CCDC186: variants seen among roughly 807,000 people sequenced by gnomAD.
The protein encoded by CCDC186 is coiled-coil domain-containing protein 186.
In CCDC186, 49 loss-of-function variants were observed where a neutral mutation model predicts 113.7. The observed-to-expected ratio is 0.43, with a 90% confidence interval of 0.34 to 0.55. The LOEUF is 0.55. Among genes scored for constraint, CCDC186 ranks in the 20% least tolerant of loss-of-function variants. The pLI, the probability that CCDC186 is intolerant of heterozygous loss-of-function variation, is 0.02. For missense variants in CCDC186, 890 were observed against 1,011.1 expected, an observed-to-expected ratio of 0.88 and a Z score of 1.62; for synonymous variants, 355 against 345.8, an observed-to-expected ratio of 1.03 and a Z score of -0.30.
chr10:114,162,866 T>C lies in CCDC186; in HGVS notation c.403A>G (p.Thr135Ala), dbSNP rs1228674731. 1.2e-6 allele frequency: 2 copies of C among 1,613,892 alleles called. No individual in the cohort carries two copies. Among genetic ancestry groups the C allele is most frequent in the African/African-American group, 1.3e-5 (1 of 74,930 alleles). Residue 135 changes from threonine (T) to alanine (A), a missense_variant, in exon 2 of 16, where the codon ACT becomes GCT. Physicochemically the swap from Thr to Ala is moderately conservative, Grantham distance 58. Transcript: ENST00000369287. ...STFPESANEK[T>A]YSESPYDTDC... ...GTATCATAGGGGCTTTCTGAATAAG[T>C]CTTTTCATTAGCTGATTCTGGAAAT...
intron 2 of CCDC186, among the ~76,000 whole-genome samples, chr10:114,158,622 C>T (rs80010070): frequency 0.011 from 1,649 of 150,898 alleles, 19 homozygotes; most frequent in African/African-American, 0.038. Context: ...CCAGGAAAAG[C>T]ACTTGATCCC....
At chr10:114,135,811 C>T (rs2031240393) in intron 9 of CCDC186, 80 bp downstream of exon 9, 2 of 1,132,306 alleles carry the variant, frequency 1.8e-6, no homozygotes, top group Middle Eastern at 2.0e-4. Flanking sequence ...GTCCTTTCCC[C>T]ACCACTTTAA....
chr10:114,155,790 AT>A (rs2031993738), intron 3 of CCDC186, among the ~76,000 whole-genome samples: 1 of 152,204 alleles, frequency 6.6e-6, no homozygotes. Context: ...CATGAAAAAA[AT>A]GAGCTGTTTT....
rs1232738592 is a variant in CCDC186, at chr10:114,174,122, G to A, written c.-169C>T. 1 of 472,192 alleles carries A rather than the reference G, an allele frequency of 2.1e-6. No homozygotes were observed. The highest frequency in any genetic ancestry group is 6.9e-5 in the East Asian group (1 of 14,398). The allele number at this position is 472,192 out of a possible 1,614,324, so 29.3% of individuals were successfully genotyped here. ...CAACCAGCCAAGAGTGGGAGGAAAA[G>A]ACCGCGGTGAGAAACACAGCCGACG... On this transcript the variant is annotated 5_prime_UTR_variant, in exon 1 of 16. Transcript: ENST00000369287.
chr10:114,131,846 A>C, intron 11 of CCDC186, 83 bp downstream of exon 11: 1 of 1,227,982 alleles, frequency 8.1e-7, no homozygotes, highest in Non-Finnish European at 1.1e-6. Context: ...AACTTAATTC[A>C]ACTACTATTA....
At chr10:114,173,973 C>G (rs1223147969) in intron 1 of CCDC186, 42 bp downstream of exon 1, 1 of 464,976 alleles carries the variant, frequency 2.2e-6, no homozygotes. Context: ...GCACCGCCAC[C>G]GCGACTCACC....
At position 114,137,299 on chromosome 10, in the gene CCDC186, A is replaced by T; in HGVS notation, c.1222-9T>A. The stretch of plus-strand genomic sequence containing the variant: ...AGTTTATCTTTGGTTTCCTGCATTG[A>T]CAAAAGACAGAGACACAGTTGGGTA... On this transcript the variant is annotated splice_polypyrimidine_tract_variant and intron_variant, in intron 6 of 15. Transcript: ENST00000369287. 6.2e-7 allele frequency: 1 copy of T among 1,605,108 alleles called. No homozygotes were observed. The highest frequency in any genetic ancestry group is 1.1e-5 in the South Asian group (1 of 90,842).
At chr10:114,147,443 G>A (rs753723294) in intron 4 of CCDC186, among the ~76,000 whole-genome samples, 3 of 152,114 alleles carry the variant, frequency 2.0e-5, no homozygotes, top group Non-Finnish European at 2.9e-5. Flanking sequence ...AGAATGTAAG[G>A]GGTGAATCAA....
At position 114,125,997 on chromosome 10, in the gene CCDC186, TAA is replaced by T; in HGVS notation, c.2500_2501del (p.Leu834IlefsTer7). 2 of 1,614,064 alleles carry T rather than the reference TAA, an allele frequency of 1.2e-6. No individual in the cohort carries two copies. The highest frequency in any genetic ancestry group is 1.7e-6 in the Non-Finnish European group (2 of 1,179,954). On this transcript the variant is annotated frameshift_variant, in exon 15 of 16. Coordinates refer to ENST00000369287, the MANE Select transcript of CCDC186 (RefSeq NM_018017.4). LOFTEE classifies it high-confidence loss of function. Reference protein sequence around the residue: ...LSRRGGIMASLYTSHPADNGL... With the variant: ...LSRRGGIMASXYTSHPADNGL... ...CATTGTCAGCTGGATGGGATGTATA[TAA>T]AGATGCCATGATGCCACCCCGTCTA...
At chr10:114,139,562 CA>C (rs71007456) in intron 6 of CCDC186, among the ~76,000 whole-genome samples, 11,382 of 111,966 alleles carry the variant, frequency 0.1, 476 homozygotes, top group Middle Eastern at 0.22. Context: ...GACTCCATCT[CA>C]AAAAAAAAAA....
Position 114,127,586 on chromosome 10 carries a change from T to G in CCDC186, c.2268A>C (p.Val756=), listed in dbSNP as rs1381595637. Residue 756 remains valine (V), a synonymous_variant, in exon 14 of 16, where the codon GTA becomes GTC. Coordinates refer to ENST00000369287, the MANE Select transcript of CCDC186 (RefSeq NM_018017.4). The part of the protein sequence containing the change: ...SSVAVDNFPQ[V]DKAMLIERIV... ...TTCTCTCAATCAACATGGCCTTATC[T>G]ACTTGTGGAAAGTTATCCACAGCTA... 6.2e-7 allele frequency: 1 copy of G among 1,614,130 alleles called. No individual in the cohort carries two copies. The highest frequency in any genetic ancestry group is 1.7e-5 in the Admixed American group (1 of 59,990).
At chr10:114,135,186 G>A in intron 9 of CCDC186, 131 bp from the exon 10 acceptor site, 1 of 902,340 alleles carries the variant, frequency 1.1e-6, no homozygotes, top group Non-Finnish European at 1.5e-6. Context: ...ATAATGCGAA[G>A]TTTACAATCC....
At chr10:114,173,351 G>A in intron 1 of CCDC186, 1 of 318,556 alleles carries the variant, frequency 3.1e-6, no homozygotes, top group Non-Finnish European at 6.6e-6. Context: ...TGTTTCCCAA[G>A]ATTGCTACTT....
rs1419920529 is a variant in CCDC186 at position 114,135,904 on chromosome 10, G to A, written c.1499C>T (p.Thr500Ile). The A allele has an allele frequency of 6.2e-7, 1 of 1,610,700 alleles. No homozygotes were observed. Among genetic ancestry groups the A allele is most frequent in the Admixed American group, 1.7e-5 (1 of 59,966 alleles). The change falls in exon 9 of 16, where the codon ACA (threonine) becomes ATA (isoleucine). Residue 500 changes from threonine to isoleucine, a missense_variant. Physicochemically the swap from Thr to Ile is moderately conservative, Grantham distance 89. Coordinates refer to ENST00000369287, the MANE Select transcript of CCDC186 (RefSeq NM_018017.4). ...TFKEGMDELR[T>I]LRTKVKCLED... ...AGACTGAATTACCTTTGTTCTCAGTGTTCTTAACTCATCCATACCCTCCTT... is the reference window on the plus strand; with the variant it reads ...AGACTGAATTACCTTTGTTCTCAGTATTCTTAACTCATCCATACCCTCCTT...
chr10:114,150,634 C>T (rs1419554215), intron 4 of CCDC186, among the ~76,000 whole-genome samples: 3 of 151,920 alleles, frequency 2.0e-5, no homozygotes, highest in Non-Finnish European at 4.4e-5. Flanking sequence ...TTATATATTG[C>T]TTTAGAATTT....
At chr10:114,137,938 G>A (rs11196636) in intron 6 of CCDC186, among the ~76,000 whole-genome samples, 6,259 of 149,316 alleles carry the variant, frequency 0.042, 176 homozygotes, top group East Asian at 0.12. Context: ...CAGGAAGGCT[G>A]AAGCAGGAGA....
Position 114,125,877 on chromosome 10 carries a change from C to G in CCDC186, c.2613+9G>C. The G allele has an allele frequency of 6.2e-7, 1 of 1,610,912 alleles. No homozygotes were observed. Among genetic ancestry groups the G allele is most frequent in the Non-Finnish European group, 8.5e-7 (1 of 1,177,362 alleles). On this transcript the variant is annotated intron_variant, in intron 15 of 15. Transcript: ENST00000369287. ...TACTGGTTGGTGTGTGAATGAGAAA[C>G]ACAAATACCTTCAAAGTAATATTTT...
intron 3 of CCDC186, among the ~76,000 whole-genome samples, chr10:114,155,325 G>A (rs1225323734): frequency 6.6e-6 from 1 of 152,180 alleles, no homozygotes; most frequent in African/African-American, 2.4e-5. Context: ...GCAACACTGA[G>A]CAATAGAAGT....
chr10:114,144,063 TA>T (rs1389401912), intron 6 of CCDC186, among the ~76,000 whole-genome samples: 1 of 152,030 alleles, frequency 6.6e-6, no homozygotes, highest in Non-Finnish European at 1.5e-5. Context: ...TAAGAATGTA[TA>T]TTTTTTGAGT....
Sources: gnomAD v4.1 joint callset for allele counts (sites outside exome capture counted in the v4.1 genomes callset) on GRCh38, gnomAD v4.1.1 for gene constraint, MANE v1.5 for transcripts, NCBI Gene and HGNC (gene_info 2026-07-23, HGNC 2026-07-21) for gene names.